EFEMP1: variants seen among roughly 807,000 people sequenced by gnomAD.
EFEMP1 encodes the protein EGF-containing fibulin-like extracellular matrix protein 1.
EFEMP1 carries 18 observed loss-of-function variants against 65.7 expected under a neutral mutation model. The ratio of observed to expected loss-of-function variants is 0.27; its 90% CI spans 0.19 to 0.41. EFEMP1 has a LOEUF of 0.41. Ranked by LOEUF, EFEMP1 falls within the 10% of genes least tolerant of loss-of-function variation. The pLI is 1.00. For missense variants in EFEMP1, 469 were observed against 624.8 expected (o/e 0.75, Z 2.66); for synonymous variants, 237 against 219.7 (o/e 1.08, Z -0.70).
intron 8 of EFEMP1, among the ~76,000 whole-genome samples, chr2:55,876,063 G>A (rs1156520598): frequency 1.3e-5 from 2 of 152,004 alleles, no homozygotes; most frequent in African/African-American, 4.8e-5. Context: ...GGACCCTGAA[G>A]GTCATGAATC....
chr2:55,875,514 A>G (rs1432490016), intron 8 of EFEMP1, among the ~76,000 whole-genome samples: 1 of 152,088 alleles, frequency 6.6e-6, no homozygotes, highest in African/African-American at 2.4e-5. Flanking sequence ...ATATCAGCTT[A>G]TTTCCCTCTA....
chr2:55,877,853 C>T lies in EFEMP1; in HGVS notation c.653G>A (p.Cys218Tyr). ...RGEQCVDIDE[C>Y]TIPPYCHQRC... is the part of the protein sequence containing the mutation. ...TTGGTGGCAATATGGAGGGATGGTA[C>T]ATTCATCTATGTCTAGGTTATCAGG... Residue 218 changes from cysteine (C) to tyrosine (Y), a missense_variant, in exon 7 of 12, where the codon TGT becomes TAT. Coordinates refer to ENST00000355426, the MANE Select transcript of EFEMP1 (RefSeq NM_001039348.3). This position sits in a 1 kb window ranked among gnomAD's most constrained non-coding sequence, Gnocchi z 4.5. The T allele has an allele frequency of 6.2e-7, 1 of 1,612,996 alleles. No individual in the cohort carries two copies. Among genetic ancestry groups the T allele is most frequent in the Non-Finnish European group, 8.5e-7 (1 of 1,179,178 alleles).
chr2:55,907,579 G>C (rs1376647906), intron 5 of EFEMP1, among the ~76,000 whole-genome samples: 3 of 152,170 alleles, frequency 2.0e-5, no homozygotes, highest in Non-Finnish European at 4.4e-5. Context: ...TAGTAAAAAT[G>C]TTAATTTAAT....
In EFEMP1 at chr2:55,870,834, A is replaced by G. The variant is rs991475191; in HGVS notation, c.1206T>C (p.Ser402=). The G allele has an allele frequency of 1.7e-5, 27 of 1,613,712 alleles. 1 individual carries two copies. In the African/African-American group the frequency reaches 3.1e-4, roughly 18 times the overall value. The part of the protein sequence containing the change: ...SIVYKYMSIR[S]DRSVPSDIFQ... The stretch of plus-strand genomic sequence containing the variant: ...AGATGTCTGATGGCACAGACCTATC[A>G]GATCGGATGCTCATGTATTTGTAGA... Residue 402 remains serine (S), a synonymous_variant, in exon 11 of 12, where the codon TCT becomes TCC. Coordinates refer to ENST00000355426, the MANE Select transcript of EFEMP1 (RefSeq NM_001039348.3). This position sits in a 1 kb window ranked among gnomAD's most constrained non-coding sequence, Gnocchi z 5.8.
rs762418853 is a variant in EFEMP1 at position 55,877,746 on chromosome 2, C to T, written c.760G>A (p.Asp254Asn). Residue 254 changes from aspartate to asparagine, a missense_variant and splice_region_variant, in exon 7 of 12, where the codon GAT becomes AAT. By Grantham distance (23) the Asp-to-Asn change is conservative (BLOSUM62 1). Coordinates refer to ENST00000355426, the MANE Select transcript of EFEMP1 (RefSeq NM_001039348.3). The surrounding 1 kb of genome is among the most constrained non-coding windows in gnomAD (Gnocchi z 4.5). ...ATCAGCAAGTTCTCAAAAGGCTTAC[C>T]TACGCAGGTATAGTTGTTTGCTGCC... ...QLAANNYTCV[D>N]INECDASNQC... 1 of 1,612,824 alleles carries T rather than the reference C, an allele frequency of 6.2e-7. No individual in the cohort carries two copies. The highest frequency in any genetic ancestry group is 2.2e-5 in the East Asian group (1 of 44,856).
intron 5 of EFEMP1, among the ~76,000 whole-genome samples, chr2:55,882,107 G>C (rs1402633886): frequency 1.3e-5 from 2 of 151,976 alleles, no homozygotes; most frequent in East Asian, 3.9e-4. Context: ...GTTAGACAGG[G>C]ATGCATCCAT....
At chr2:55,900,915 A>G (rs900874860) in intron 5 of EFEMP1, among the ~76,000 whole-genome samples, 5 of 152,178 alleles carry the variant, frequency 3.3e-5, no homozygotes, top group Non-Finnish European at 5.9e-5. Context: ...TGAGATACCT[A>G]TTCCTTGGGA....
intron 5 of EFEMP1, among the ~76,000 whole-genome samples, chr2:55,900,895 T>C (rs1250426705): frequency 6.6e-6 from 1 of 152,194 alleles, no homozygotes; most frequent in East Asian, 1.9e-4. Flanking sequence ...GCCACTATCC[T>C]GCCTCTTATT....
intron 11 of EFEMP1, among the ~76,000 whole-genome samples, chr2:55,869,214 CT>C: frequency 6.6e-6 from 1 of 152,146 alleles, no homozygotes; most frequent in South Asian, 2.1e-4. Flanking sequence ...TTGTTTCACT[CT>C]TTGATTATTC....
chr2:55,868,821 G>A (rs896236781), intron 11 of EFEMP1, among the ~76,000 whole-genome samples: 17 of 152,122 alleles, frequency 1.1e-4, no homozygotes, highest in Admixed American at 8.5e-4. Flanking sequence ...TGAGCATGTA[G>A]TAGGTGCTTA....
At chr2:55,909,823 C>A (rs562569750) in intron 5 of EFEMP1, among the ~76,000 whole-genome samples, 15 of 152,164 alleles carry the variant, frequency 9.9e-5, no homozygotes, top group Admixed American at 1.3e-4. Context: ...TTGTTTGTTT[C>A]TTTTATTATT....
chr2:55,893,849 T>C (rs1313314022), intron 5 of EFEMP1, among the ~76,000 whole-genome samples: 1 of 152,228 alleles, frequency 6.6e-6, no homozygotes, highest in Non-Finnish European at 1.5e-5. Flanking sequence ...TTCAATATGG[T>C]CTTTATGACT....
chr2:55,905,533 C>T (rs1008341387), intron 5 of EFEMP1, among the ~76,000 whole-genome samples: 1 of 152,056 alleles, frequency 6.6e-6, no homozygotes, highest in Admixed American at 6.5e-5. Flanking sequence ...CTGCAACCTC[C>T]ACCTCCCGGC....
rs987866223 is a variant in EFEMP1 at position 55,886,052 on chromosome 2, T to C, written c.518-4318A>G. ...GTGTTGAGTACCATTTAGACTTTTA[T>C]AATTTGTGCTGCTTTTGGTTTAAGA... is the stretch of plus-strand genomic sequence containing the variant. On this transcript the variant is annotated intron_variant, in intron 5 of 11. Coordinates refer to ENST00000355426, the MANE Select transcript of EFEMP1 (RefSeq NM_001039348.3). The surrounding 1 kb of genome is among the most constrained non-coding windows in gnomAD (Gnocchi z 4.0). Among the ~76,000 whole-genome samples, 1 of 152,236 alleles carries C rather than the reference T, an allele frequency of 6.6e-6. No homozygotes were observed. The highest frequency in any genetic ancestry group is 2.4e-5 in the African/African-American group (1 of 41,466).
At position 55,867,154 on chromosome 2, in the gene EFEMP1, C is replaced by G; in HGVS notation, c.1401G>C (p.Met467Ile). 6.2e-7 allele frequency: 1 copy of G among 1,613,976 alleles called. No homozygotes were observed. Among genetic ancestry groups the G allele is most frequent in the Non-Finnish European group, 8.5e-7 (1 of 1,179,956 alleles). ...GPREHIVDLE[M>I]LTVSSIGTFR... is the part of the protein sequence containing the mutation. Reference sequence around the variant, plus strand: ...AGGTCCCTATACTGCTGACTGTCAGCATCTCCAGGTCCACGATATGTTCTC... The same window carrying G: ...AGGTCCCTATACTGCTGACTGTCAGGATCTCCAGGTCCACGATATGTTCTC... Residue 467 changes from methionine (M) to isoleucine (I), a missense_variant, in exon 12 of 12, where the codon ATG becomes ATC. Coordinates refer to ENST00000355426, the MANE Select transcript of EFEMP1 (RefSeq NM_001039348.3). The surrounding 1 kb of genome is among the most constrained non-coding windows in gnomAD (Gnocchi z 4.3).
chr2:55,918,165 A>G, intron 4 of EFEMP1, 54 bp downstream of exon 4: 3 of 1,613,072 alleles, frequency 1.9e-6, no homozygotes, highest in South Asian at 1.1e-5. Flanking sequence ...AGAGTGACAC[A>G]AGAGATGGAG....
At chr2:55,914,668 T>C (rs2104447762) in intron 5 of EFEMP1, among the ~76,000 whole-genome samples, 1 of 152,298 alleles carries the variant, frequency 6.6e-6, no homozygotes, top group East Asian at 1.9e-4. Flanking sequence ...CTAAAAAATA[T>C]ACATAGAAAA....
chr2:55,896,325 T>A (rs1189808098), intron 5 of EFEMP1, among the ~76,000 whole-genome samples: 1 of 152,234 alleles, frequency 6.6e-6, no homozygotes, highest in African/African-American at 2.4e-5. Flanking sequence ...GAATTACAAT[T>A]TTGTTTTCAA....
At chr2:55,908,516 C>T (rs1670366406) in intron 5 of EFEMP1, among the ~76,000 whole-genome samples, 1 of 151,978 alleles carries the variant, frequency 6.6e-6, no homozygotes, top group South Asian at 2.1e-4. Context: ...AAATCTGTTG[C>T]ATAGCATAGT....
Sources: allele counts gnomAD v4.1 joint callset (sites outside exome capture counted in the v4.1 genomes callset), GRCh38; gene constraint gnomAD v4.1.1; non-coding constraint Gnocchi (gnomAD v3.1); transcripts MANE v1.5; gene names NCBI Gene and HGNC (gene_info 2026-07-23, HGNC 2026-07-21).